Variants in FAM78A observed in about 807,000 individuals in gnomAD.
FAM78A encodes protein FAM78A.
A neutral mutation model predicts 22.6 loss-of-function variants in FAM78A; 12 were observed. That is an observed-to-expected ratio of 0.53 (90% CI 0.34 to 0.86). The LOEUF is 0.86. FAM78A is among the 40% of genes least tolerant of loss of function. The pLI is 0.02. For missense variants in FAM78A, 322 were observed against 396.1 expected, an observed-to-expected ratio of 0.81 and a Z score of 1.59; for synonymous variants, 151 against 155.8, an observed-to-expected ratio of 0.97 and a Z score of 0.23.
chr9:131,266,239 T>C (rs553442118), intron 1 of FAM78A, among the ~76,000 whole-genome samples: 2 of 151,972 alleles, frequency 1.3e-5, no homozygotes, highest in African/African-American at 4.8e-5. Context: ...AAAACACAAA[T>C]CCGATGGCAT....
chr9:131,268,895 A>AT (rs1835381555), intron 1 of FAM78A, among the ~76,000 whole-genome samples: 1 of 150,524 alleles, frequency 6.6e-6, no homozygotes, highest in South Asian at 2.1e-4. Context: ...TCCGTCTCAA[A>AT]AAAAAAAAAA....
Position 131,260,526 on chromosome 9 carries a change from A to T in FAM78A, c.*296T>A. 9.8e-6 allele frequency: 3 copies of T among 304,736 alleles called. No homozygotes were observed. Among genetic ancestry groups the T allele is most frequent in the African/African-American group, 2.1e-5 (1 of 46,528 alleles). 18.9% of individuals were successfully genotyped at this position (304,736 alleles called of 1,614,324 possible). A position where few individuals can be genotyped will look rare whatever the true frequency, so the allele number is the denominator to read the frequency against. ...TAAAAAACGGAAAAAGCAGTGTTTC[A>T]GGGAATCTGTTACAAGTGAGCGACT... On this transcript the variant is annotated 3_prime_UTR_variant, in exon 2 of 2. Transcript: ENST00000372271. This position sits in a 1 kb window ranked among gnomAD's most constrained non-coding sequence, Gnocchi z 5.4.
upstream of FAM78A, among the ~76,000 whole-genome samples, chr9:131,278,935 C>A (rs531441385): frequency 6.6e-6 from 1 of 152,234 alleles, no homozygotes; most frequent in South Asian, 2.1e-4. Flanking sequence ...GCTGGAGGGA[C>A]CGAGGGGCTG....
intron 1 of FAM78A, among the ~76,000 whole-genome samples, chr9:131,268,894 A>G (rs1835381529): frequency 1.3e-5 from 2 of 148,894 alleles, no homozygotes; most frequent in South Asian, 2.1e-4. Flanking sequence ...CTCCGTCTCA[A>G]AAAAAAAAAA....
At chr9:131,273,696 G>A (rs1202826691) in intron 1 of FAM78A, among the ~76,000 whole-genome samples, 1 of 152,208 alleles carries the variant, frequency 6.6e-6, no homozygotes, top group Non-Finnish European at 1.5e-5. Context: ...ACTCACATCT[G>A]ATAGAATAAC....
Position 131,269,855 on chromosome 9 carries a change from C to T in FAM78A, c.323+6002G>A, listed in dbSNP as rs531790162. On this transcript the variant is annotated intron_variant, in intron 1 of 1. Coordinates refer to ENST00000372271, the MANE Select transcript of FAM78A (RefSeq NM_033387.4). ...GTTCAGTAGATTATTTTTTTGCCTC[C>T]AATATGCAGGCCCTGAGCTAGGGGC... Among the ~76,000 whole-genome samples the T allele has an allele frequency of 1.8e-3, 270 of 151,942 alleles. 2 individuals carry two copies. The highest frequency in any genetic ancestry group is 6.3e-3 in the African/African-American group (261 of 41,452).
chr9:131,279,289 G>A (rs1286067682), upstream of FAM78A, among the ~76,000 whole-genome samples: 1 of 152,200 alleles, frequency 6.6e-6, no homozygotes. Flanking sequence ...GTCTTCTCTG[G>A]CCTCTTCACC....
intron 1 of FAM78A, among the ~76,000 whole-genome samples, chr9:131,267,313 G>A (rs1369981391): frequency 6.6e-6 from 1 of 152,194 alleles, no homozygotes; most frequent in African/African-American, 2.4e-5. Flanking sequence ...GGCATCGCTT[G>A]AACCCAGGAG....
At position 131,272,856 on chromosome 9, in the gene FAM78A, G is replaced by A. The variant is rs962283498; in HGVS notation, c.323+3001C>T. Among the ~76,000 whole-genome samples the A allele has an allele frequency of 1.3e-5, 2 of 152,082 alleles. No homozygotes were observed. Among genetic ancestry groups the A allele is most frequent in the Admixed American group, 6.5e-5 (1 of 15,270 alleles). On this transcript the variant is annotated intron_variant, in intron 1 of 1. Transcript: ENST00000372271. The surrounding 1 kb of genome is among the most constrained non-coding windows in gnomAD (Gnocchi z 4.1). ...TGGAGCCGGAGAATCACTTGAACCCGGGAGGCAGAGGTTGTAGTGAGCCAA... is the reference window on the plus strand; with the variant it reads ...TGGAGCCGGAGAATCACTTGAACCCAGGAGGCAGAGGTTGTAGTGAGCCAA...
chr9:131,272,755 A>AC lies in FAM78A; in HGVS notation c.323+3101dup, dbSNP rs1392509050. On this transcript the variant is annotated intron_variant, in intron 1 of 1. Transcript: ENST00000372271. The surrounding 1 kb of genome is among the most constrained non-coding windows in gnomAD (Gnocchi z 4.1). ...AGACCATCCTGGCCAACGCGGTGAA[A>AC]CCCCGTCTCTACTAAAAATATAAAA... Among the ~76,000 whole-genome samples the AC allele has an allele frequency of 6.6e-6, 1 of 151,918 alleles. No individual in the cohort carries two copies. Among genetic ancestry groups the AC allele is most frequent in the East Asian group, 1.9e-4 (1 of 5,184 alleles).
At position 131,260,826 on chromosome 9, in the gene FAM78A, C is replaced by T. The variant is rs754847204; in HGVS notation, c.848G>A (p.Arg283Gln). 1.3e-4 allele frequency: 194 copies of T among 1,516,272 alleles called. 1 individual carries two copies. Among genetic ancestry groups the T allele is most frequent in the Admixed American group, 3.8e-4 (17 of 44,418 alleles). 93.9% of individuals were successfully genotyped at this position (1,516,272 alleles called of 1,614,324 possible). Residue 283 changes from arginine to glutamine, a missense_variant, in exon 2 of 2, where the codon CGG becomes CAG. By Grantham distance (43) the Arg-to-Gln change is conservative. Transcript: ENST00000372271. This position sits in a 1 kb window ranked among gnomAD's most constrained non-coding sequence, Gnocchi z 5.4. ...CCTAGCGGGTGGTCCTGGCTGTCAC[C>T]GGTGCTTGGGCGGGATCACCACCAG... Reference protein sequence around the residue: ...QPLVVIPPKHR With the variant: ...QPLVVIPPKHQ
Position 131,260,638 on chromosome 9 carries a change from C to A in FAM78A, c.*184G>T. 1 of 613,416 alleles carries A rather than the reference C, an allele frequency of 1.6e-6. No individual in the cohort carries two copies. The highest frequency in any genetic ancestry group is 2.6e-6 in the Non-Finnish European group (1 of 378,666). The allele number at this position is 613,416 out of a possible 1,614,324, so 38.0% of individuals were successfully genotyped here. Reference sequence around the variant, plus strand: ...TGTCTGTCCTGCTTAGATCTCCCCTCTCCCTGAAAGGAAGCAGGTGCCGAG... The same window carrying A: ...TGTCTGTCCTGCTTAGATCTCCCCTATCCCTGAAAGGAAGCAGGTGCCGAG... On this transcript the variant is annotated 3_prime_UTR_variant, in exon 2 of 2. Coordinates refer to ENST00000372271, the MANE Select transcript of FAM78A (RefSeq NM_033387.4). The surrounding 1 kb of genome is among the most constrained non-coding windows in gnomAD (Gnocchi z 5.4).
rs1835228148 is a variant in FAM78A, at chr9:131,259,254, G to A, written c.*1568C>T. On this transcript the variant is annotated 3_prime_UTR_variant, in exon 2 of 2. Coordinates refer to ENST00000372271, the MANE Select transcript of FAM78A (RefSeq NM_033387.4). The stretch of plus-strand genomic sequence containing the variant: ...AATAGCCCCTGCAAGTGGCCACAAG[G>A]CCGACACTGCTCAGAACCCTGGCAC... 6.6e-6 allele frequency: 1 copy of A among 152,594 alleles called. No individual in the cohort carries two copies. The highest frequency in any genetic ancestry group is 2.4e-5 in the African/African-American group (1 of 41,452). 9.5% of individuals were successfully genotyped at this position (152,594 alleles called of 1,614,324 possible). A position where few individuals can be genotyped will look rare whatever the true frequency, so the allele number is the denominator to read the frequency against.
At position 131,275,652 on chromosome 9, in the gene FAM78A, C is replaced by A. The variant is rs1414753413; in HGVS notation, c.323+205G>T. On this transcript the variant is annotated intron_variant, in intron 1 of 1. Coordinates refer to ENST00000372271, the MANE Select transcript of FAM78A (RefSeq NM_033387.4). The surrounding 1 kb of genome is among the most constrained non-coding windows in gnomAD (Gnocchi z 4.6). ...ACAGTGGCAGGGTAGATTGCAGGACCGTGACTCCAATCTGGATCCACAGGC... is the reference window on the plus strand; with the variant it reads ...ACAGTGGCAGGGTAGATTGCAGGACAGTGACTCCAATCTGGATCCACAGGC... Among the ~76,000 whole-genome samples, 1 of 152,210 alleles carries A rather than the reference C, an allele frequency of 6.6e-6. No homozygotes were observed. The highest frequency in any genetic ancestry group is 6.5e-5 in the Admixed American group (1 of 15,288).
chr9:131,264,953 C>T (rs780300382), intron 1 of FAM78A, among the ~76,000 whole-genome samples: 4 of 152,132 alleles, frequency 2.6e-5, no homozygotes, highest in Non-Finnish European at 5.9e-5. Flanking sequence ...AAACTCCTGA[C>T]CTCAGGTGAT....
At chr9:131,268,001 G>A (rs1835365077) in intron 1 of FAM78A, among the ~76,000 whole-genome samples, 1 of 145,886 alleles carries the variant, frequency 6.9e-6, no homozygotes, top group African/African-American at 2.6e-5. Flanking sequence ...GCAGTGAGCC[G>A]AGATGGCGCC....
At chr9:131,266,328 TGTGCACAC>T (rs1835344868) in intron 1 of FAM78A, among the ~76,000 whole-genome samples, 1 of 152,220 alleles carries the variant, frequency 6.6e-6, no homozygotes, top group South Asian at 2.1e-4. Context: ...GCCCTGCGTG[TGTGCACAC>T]GTGCACAGCA....
chr9:131,268,480 A>G (rs958237807), intron 1 of FAM78A, among the ~76,000 whole-genome samples: 5 of 152,104 alleles, frequency 3.3e-5, no homozygotes, highest in African/African-American at 1.2e-4. Context: ...AACAAACCCC[A>G]TTCCTTCTGG....
chr9:131,271,193 A>C (rs1835417261), intron 1 of FAM78A, among the ~76,000 whole-genome samples: 2 of 151,788 alleles, frequency 1.3e-5, no homozygotes, highest in African/African-American at 4.8e-5. Flanking sequence ...TATTTTTTGT[A>C]GGGACAAGGT....
Sources: allele counts gnomAD v4.1 joint callset (sites outside exome capture counted in the v4.1 genomes callset), GRCh38; gene constraint gnomAD v4.1.1; non-coding constraint Gnocchi (gnomAD v3.1); transcripts MANE v1.5; gene names NCBI Gene and HGNC (gene_info 2026-07-23, HGNC 2026-07-21).